KHDRBS2: variants seen among roughly 807,000 people sequenced by gnomAD.
KHDRBS2 encodes the protein KH RNA binding domain containing, signal transduction associated 2, also known as KH domain-containing, RNA-binding, signal transduction-associated protein 2.
KHDRBS2 carries 26 observed loss-of-function variants against 44.3 expected under a neutral mutation model. That is an observed-to-expected ratio of 0.59 (90% confidence interval 0.43 to 0.81). KHDRBS2 has a LOEUF of 0.81. Ranked by LOEUF, KHDRBS2 falls within the 40% of genes least tolerant of loss-of-function variation. The pLI, the probability that KHDRBS2 is intolerant of heterozygous loss-of-function variation, is 0.00. For missense variants in KHDRBS2, 476 were observed against 433.1 expected, an observed-to-expected ratio of 1.10 and a Z score of -0.88; for synonymous variants, 194 against 151.1, an observed-to-expected ratio of 1.28 and a Z score of -2.08.
intron 7 of KHDRBS2, among the ~76,000 whole-genome samples, chr6:61,731,275 GT>G (rs148304330): frequency 0.055 from 8,386 of 152,052 alleles, 367 homozygotes; most frequent in African/African-American, 0.11. Context: ...AAATGACTGT[GT>G]TGTTTTCCAA....
chr6:61,757,743 T>A (rs1412898789), intron 6 of KHDRBS2, among the ~76,000 whole-genome samples: 1 of 152,186 alleles, frequency 6.6e-6, no homozygotes, highest in Admixed American at 6.6e-5. Flanking sequence ...CTTTTCAGTT[T>A]TGCCTCTAAT....
chr6:61,984,672 T>C (rs535281966), intron 3 of KHDRBS2, among the ~76,000 whole-genome samples: 79 of 152,284 alleles, frequency 5.2e-4, no homozygotes, highest in Middle Eastern at 3.4e-3. Flanking sequence ...AAGTTTGGTA[T>C]ATAAACTTTA....
chr6:61,738,687 G>C (rs7770510), intron 6 of KHDRBS2, among the ~76,000 whole-genome samples: 130,784 of 151,878 alleles, frequency 0.86, 56,925 homozygotes, highest in African/African-American at 0.97. Context: ...AAACACATAT[G>C]TTTACAAAAT....
At chr6:61,622,430 A>G in the KHDRBS2 span, among the ~76,000 whole-genome samples, 1 of 152,184 alleles carries the variant, frequency 6.6e-6, no homozygotes, top group African/African-American at 2.4e-5. Flanking sequence ...AGGAACTGCA[A>G]AAATTCATTA....
chr6:62,169,210 T>TATATACGTATGCATATATGTATATATAC, intron 2 of KHDRBS2, among the ~76,000 whole-genome samples: 1 of 145,666 alleles, frequency 6.9e-6, no homozygotes, highest in Non-Finnish European at 1.5e-5. Context: ...TGTATATATA[T>TATATACGTATGCATATATGTATATATAC]GTATATATAC....
chr6:62,032,791 T>C (rs1784592987), intron 3 of KHDRBS2, among the ~76,000 whole-genome samples: 3 of 151,840 alleles, frequency 2.0e-5, no homozygotes, highest in African/African-American at 7.3e-5. Flanking sequence ...TACCTAACTC[T>C]TCAATGCCCA....
Position 61,732,175 on chromosome 6 carries a change from A to G in KHDRBS2, c.893+507T>C, listed in dbSNP as rs547835183. Among the ~76,000 whole-genome samples, 18 of 152,246 alleles carry G rather than the reference A, an allele frequency of 1.2e-4. No individual in the cohort carries two copies. In the Middle Eastern group the frequency reaches 0.01, roughly 86 times the overall value. On this transcript the variant is annotated intron_variant, in intron 7 of 8. Transcript: ENST00000281156. ...ACTTTGAAGACATAAAAAATCATTT[A>G]TATCACAAATTTTGGGTCAATCTAA...
intron 1 of KHDRBS2, among the ~76,000 whole-genome samples, chr6:62,182,608 T>A (rs1822557026): frequency 6.6e-6 from 1 of 151,952 alleles, no homozygotes; most frequent in Non-Finnish European, 1.5e-5. Flanking sequence ...TATGTACAGC[T>A]TTTTGTATGT....
chr6:61,990,271 G>C (rs1372856627), intron 3 of KHDRBS2, among the ~76,000 whole-genome samples: 1 of 152,154 alleles, frequency 6.6e-6, no homozygotes, highest in South Asian at 2.1e-4. Context: ...ATAAAGCCAT[G>C]AATTAACAAA....
chr6:61,972,754 C>T (rs1184783103), intron 4 of KHDRBS2, among the ~76,000 whole-genome samples: 1 of 152,174 alleles, frequency 6.6e-6, no homozygotes, highest in Non-Finnish European at 1.5e-5. Flanking sequence ...AATGTATCTG[C>T]CATCTCTCAC....
the KHDRBS2 span, among the ~76,000 whole-genome samples, chr6:61,591,336 A>G: frequency 9.9e-5 from 15 of 152,238 alleles, no homozygotes; most frequent in Admixed American, 8.5e-4. Context: ...ATCCATAAGT[A>G]TGGAGAAGCT....
chr6:62,276,254 A>AT (rs1840919004), intron 1 of KHDRBS2, among the ~76,000 whole-genome samples: 1 of 152,056 alleles, frequency 6.6e-6, no homozygotes, highest in Non-Finnish European at 1.5e-5. Flanking sequence ...ATTAAATTCT[A>AT]ATACCTCAGA....
intron 7 of KHDRBS2, among the ~76,000 whole-genome samples, chr6:61,709,903 G>C (rs750538933): frequency 1.6e-4 from 25 of 151,558 alleles, no homozygotes; most frequent in South Asian, 8.3e-4. Context: ...GTAAATATCA[G>C]TATAATCTCT....
At chr6:61,584,708 C>T in the KHDRBS2 span, among the ~76,000 whole-genome samples, 1 of 151,780 alleles carries the variant, frequency 6.6e-6, no homozygotes, top group Admixed American at 6.6e-5. Context: ...GTGCATACTT[C>T]TTGTTTAGTC....
In KHDRBS2 at chr6:61,949,698, A is replaced by T. The variant is rs552336307; in HGVS notation, c.483+28368T>A. On this transcript the variant is annotated intron_variant, in intron 4 of 8. Coordinates refer to ENST00000281156, the MANE Select transcript of KHDRBS2 (RefSeq NM_152688.4). The stretch of plus-strand genomic sequence containing the variant: ...TTTATTTATAGATTTATGTTTATAG[A>T]TAGTATTGTTTTTGTGTATTTGTAT... Among the ~76,000 whole-genome samples, 99 of 152,156 alleles carry T rather than the reference A, an allele frequency of 6.5e-4. 1 individual carries two copies. In the South Asian group the frequency reaches 0.02, roughly 31 times the overall value.
At chr6:61,567,213 T>G in the KHDRBS2 span, among the ~76,000 whole-genome samples, 1 of 152,178 alleles carries the variant, frequency 6.6e-6, no homozygotes, top group East Asian at 1.9e-4. Flanking sequence ...AAGATTTATA[T>G]CTCAAAGGGG....
At chr6:61,969,769 C>T (rs1410196849) in intron 4 of KHDRBS2, among the ~76,000 whole-genome samples, 2 of 151,662 alleles carry the variant, frequency 1.3e-5, no homozygotes, top group Non-Finnish European at 2.9e-5. Context: ...CAGACAAGAC[C>T]AGTGAAATTG....
chr6:61,782,812 G>GC (rs1365997795), intron 6 of KHDRBS2, among the ~76,000 whole-genome samples: 1 of 150,206 alleles, frequency 6.7e-6, no homozygotes, highest in Non-Finnish European at 1.5e-5. Context: ...TCTAGGTTGA[G>GC]CATGGCTGGA....
intron 2 of KHDRBS2, among the ~76,000 whole-genome samples, chr6:62,086,862 A>C (rs754397258): frequency 6.6e-6 from 1 of 152,210 alleles, no homozygotes; most frequent in Non-Finnish European, 1.5e-5. Context: ...CTCCAAATTG[A>C]CAGGCAGGGA....
Sources: gnomAD v4.1 joint callset for allele counts (sites outside exome capture counted in the v4.1 genomes callset) on GRCh38, gnomAD v4.1.1 for gene constraint, MANE v1.5 for transcripts, NCBI Gene and HGNC (gene_info 2026-07-23, HGNC 2026-07-21) for gene names.